Variants in FLI1 observed in about 807,000 individuals in gnomAD.
FLI1 encodes Fli-1 proto-oncogene, ETS transcription factor.
FLI1 carries 13 observed loss-of-function variants against 53.1 expected under a neutral mutation model. That is an observed-to-expected ratio of 0.24 (90% CI 0.16 to 0.39). The LOEUF (loss-of-function observed/expected upper bound fraction) is 0.39. FLI1 is among the 10% of genes least tolerant of loss of function. The probability of loss-of-function intolerance (pLI) is 1.00; values close to 1 mark genes in which losing one functional copy is unlikely to be tolerated. For missense variants in FLI1, 424 were observed against 600.5 expected (o/e 0.71, Z 3.07); for synonymous variants, 244 against 236.7 (o/e 1.03, Z -0.28).
intron 4 of FLI1, among the ~76,000 whole-genome samples, chr11:128,776,207 G>A (rs1024292246): frequency 6.6e-6 from 1 of 152,154 alleles, no homozygotes; most frequent in African/African-American, 2.4e-5. Flanking sequence ...GCATGCTAGG[G>A]AGGTGCTTGT....
rs564070091 is a variant in FLI1, at chr11:128,811,770, G to T, written c.*782G>T. On this transcript the variant is annotated 3_prime_UTR_variant, in exon 9 of 9. Coordinates refer to ENST00000527786, the MANE Select transcript of FLI1 (RefSeq NM_002017.5). ...GGGATTTCTAAACTCAAGCAGATTC[G>T]CAAGTGCTGTGCGCTTGTCAGACCA... The T allele has an allele frequency of 3.0e-4, 61 of 202,182 alleles. No homozygotes were observed. Among genetic ancestry groups the T allele is most frequent in the Admixed American group, 6.0e-5 (1 of 16,596 alleles). The allele number at this position is 202,182 out of a possible 1,614,324, so 12.5% of individuals were successfully genotyped here.
chr11:128,694,309 G>T lies in FLI1; in HGVS notation c.18+33G>T, dbSNP rs377696295. ...GCGGGGCAACGGACGCGGGCGGCGG[G>T]GACCGGCCGGGGAGGCGAAGCGGCG... On this transcript the variant is annotated intron_variant, in intron 1 of 8. Transcript: ENST00000527786. 2.7e-4 allele frequency: 355 copies of T among 1,328,774 alleles called. 5 individuals carry two copies. In the South Asian group the frequency reaches 2.9e-3, roughly 11 times the overall value. 82.3% of individuals were successfully genotyped at this position (1,328,774 alleles called of 1,614,324 possible).
chr11:128,795,495 G>A (rs1455187684), intron 5 of FLI1, among the ~76,000 whole-genome samples: 8 of 151,226 alleles, frequency 5.3e-5, no homozygotes, highest in Non-Finnish European at 1.2e-4. Flanking sequence ...TATGTCCCAT[G>A]AACTAAACTC....
At chr11:128,757,326 C>A (rs936628297) in intron 1 of FLI1, among the ~76,000 whole-genome samples, 5 of 152,046 alleles carry the variant, frequency 3.3e-5, no homozygotes, top group Non-Finnish European at 7.4e-5. Context: ...GAGGACCCAA[C>A]AACCTCTTTT....
At chr11:128,719,173 A>G (rs1045406663) in intron 1 of FLI1, among the ~76,000 whole-genome samples, 1 of 151,736 alleles carries the variant, frequency 6.6e-6, no homozygotes, top group East Asian at 1.9e-4. Flanking sequence ...TTTGGTGGAG[A>G]GTCCAGGCTT....
At chr11:128,754,260 TGTGTG>T (rs1328729118) in intron 1 of FLI1, among the ~76,000 whole-genome samples, 7 of 151,876 alleles carry the variant, frequency 4.6e-5, no homozygotes, top group Non-Finnish European at 1.0e-4. Flanking sequence ...TGTGTGTGTG[TGTGTG>T]TGTGTGTGTG....
intron 1 of FLI1, among the ~76,000 whole-genome samples, chr11:128,757,052 C>CTTTCTTTCT (rs1565484256): frequency 5.4e-5 from 5 of 93,404 alleles, no homozygotes; most frequent in Non-Finnish European, 1.1e-4. Context: ...TTTTTTCTTT[C>CTTTCTTTCT]TTTCTTTCTT....
At chr11:128,692,946 G>A (rs543244323), upstream of FLI1, 5 of 152,530 alleles carry the variant, frequency 3.3e-5, no homozygotes, top group East Asian at 7.7e-4. Context: ...CTCCAGGCTG[G>A]GTAGGGAGGA....
intron 1 of FLI1, among the ~76,000 whole-genome samples, chr11:128,710,200 G>A (rs532103174): frequency 2.9e-4 from 44 of 152,206 alleles, no homozygotes; most frequent in African/African-American, 9.9e-4. Flanking sequence ...GTGAAGGGAA[G>A]GAGAACATTT....
upstream of FLI1, among the ~76,000 whole-genome samples, chr11:128,685,522 C>A (rs949521673): frequency 2.0e-5 from 3 of 151,546 alleles, no homozygotes; most frequent in Admixed American, 2.0e-4. Context: ...CTTCTTTCCT[C>A]TCTGTTTTCT....
In FLI1 at chr11:128,810,140, G is replaced by T. The variant is rs1212173743; in HGVS notation, c.830-319G>T. Among the ~76,000 whole-genome samples, 1 of 151,710 alleles carries T rather than the reference G, an allele frequency of 6.6e-6. No homozygotes were observed. The highest frequency in any genetic ancestry group is 1.5e-5 in the Non-Finnish European group (1 of 67,884). The stretch of plus-strand genomic sequence containing the variant: ...AGAGATTCAAAAGCCTTGCCAAAGG[G>T]ATTGAGGGGGGATATGGCTCACCCA... On this transcript the variant is annotated intron_variant, in intron 8 of 8. Coordinates refer to ENST00000527786, the MANE Select transcript of FLI1 (RefSeq NM_002017.5). The surrounding 1 kb of genome is among the most constrained non-coding windows in gnomAD (Gnocchi z 6.6).
chr11:128,808,501 TAAAA>T (rs1942849104), intron 7 of FLI1, among the ~76,000 whole-genome samples: 1 of 152,190 alleles, frequency 6.6e-6, no homozygotes, highest in East Asian at 1.9e-4. Context: ...ATTTTATAGC[TAAAA>T]TGTACACTCT....
intron 5 of FLI1, among the ~76,000 whole-genome samples, chr11:128,785,714 C>G (rs1313593652): frequency 6.6e-6 from 1 of 152,210 alleles, no homozygotes; most frequent in South Asian, 2.1e-4. Flanking sequence ...TCTGACAGCA[C>G]AGAGAATCAC....
At chr11:128,764,903 C>T (rs1941272827) in intron 2 of FLI1, 1 of 1,458,344 alleles carries the variant, frequency 6.9e-7, no homozygotes, top group South Asian at 1.2e-5. Flanking sequence ...TGGTGCCAGC[C>T]CTTCTCCCTA....
rs200682479 is a variant in FLI1, at chr11:128,809,139, C to T, written c.782-18C>T. 5.6e-6 allele frequency: 9 copies of T among 1,611,334 alleles called. No homozygotes were observed. Among genetic ancestry groups the T allele is most frequent in the Non-Finnish European group, 7.6e-6 (9 of 1,177,724 alleles). ...TTTTTAAAAACACTGAAGCAAATTT[C>T]CTTTTTTATTTCCTTAGATCCGTAT... On this transcript the variant is annotated intron_variant, in intron 7 of 8. Transcript: ENST00000527786.
At chr11:128,784,735 C>T (rs1942033734) in intron 5 of FLI1, among the ~76,000 whole-genome samples, 1 of 152,250 alleles carries the variant, frequency 6.6e-6, no homozygotes, top group Non-Finnish European at 1.5e-5. Context: ...ACTGGCTCTC[C>T]TGCTCTGCTC....
chr11:128,794,691 A>C (rs184179030), intron 5 of FLI1, among the ~76,000 whole-genome samples: 3 of 152,380 alleles, frequency 2.0e-5, no homozygotes, highest in African/African-American at 7.2e-5. Flanking sequence ...GAGAAAAGAA[A>C]GTCCTTGAGG....
chr11:128,748,030 G>A (rs1940477427), intron 1 of FLI1, among the ~76,000 whole-genome samples: 1 of 152,136 alleles, frequency 6.6e-6, no homozygotes, highest in Non-Finnish European at 1.5e-5. Context: ...ACAGGCAAAG[G>A]TAAATACCAC....
intron 1 of FLI1, among the ~76,000 whole-genome samples, chr11:128,729,615 G>A (rs761264565): frequency 6.6e-6 from 1 of 152,174 alleles, no homozygotes; most frequent in South Asian, 2.1e-4. Context: ...GACAACTGAG[G>A]TCCCCTTTTG....
Sources: allele counts gnomAD v4.1 joint callset (sites outside exome capture counted in the v4.1 genomes callset), GRCh38; gene constraint gnomAD v4.1.1; non-coding constraint Gnocchi (gnomAD v3.1); transcripts MANE v1.5; gene names NCBI Gene and HGNC (gene_info 2026-07-23, HGNC 2026-07-21).